Variants in BMP1 observed in about 807,000 individuals in gnomAD.
BMP1 encodes bone morphogenetic protein 1.
A neutral mutation model predicts 116.8 loss-of-function variants in BMP1; 63 were observed. That is an observed-to-expected ratio of 0.54 (90% CI 0.44 to 0.67). BMP1 has a LOEUF of 0.67. BMP1 is among the 30% of genes least tolerant of loss of function. The pLI is 0.00. For synonymous variants in BMP1, 536 were observed against 533.4 expected, an observed-to-expected ratio of 1.00 and a Z score of -0.07; for missense variants, 1,183 against 1,358.9, an observed-to-expected ratio of 0.87 and a Z score of 2.04.
intron 2 of BMP1, 106 bp downstream of exon 2, chr8:22,173,821 A>C: frequency 1.2e-6 from 1 of 833,422 alleles, no homozygotes; most frequent in East Asian, 2.8e-5. Flanking sequence ...GACAGAGGCC[A>C]TGAGTTTGAC....
At chr8:22,200,199 A>C (rs1829218683) in intron 15 of BMP1, among the ~76,000 whole-genome samples, 2 of 152,180 alleles carry the variant, frequency 1.3e-5, no homozygotes, top group South Asian at 2.1e-4. Flanking sequence ...CCCTGTGACC[A>C]AGTGCACTTC....
At position 22,173,720 on chromosome 8, in the gene BMP1, G is replaced by A. The variant is rs1321414701; in HGVS notation, c.262+5G>A. 6.2e-7 allele frequency: 1 copy of A among 1,606,334 alleles called. No homozygotes were observed. Among genetic ancestry groups the A allele is most frequent in the South Asian group, 1.1e-5 (1 of 90,208 alleles). ...AGTCCTCCATCAAAGCTGCAGGTAA[G>A]CCGGGTGCCAATGGGCCCTCTGTGT... On this transcript the variant is annotated splice_donor_5th_base_variant and intron_variant, in intron 2 of 19. Coordinates refer to ENST00000306385, the MANE Select transcript of BMP1 (RefSeq NM_006129.5).
chr8:22,197,103 G>A (rs1001810085), intron 14 of BMP1, 137 bp from the exon 15 acceptor site: 64 of 1,185,508 alleles, frequency 5.4e-5, no homozygotes, highest in African/African-American at 6.1e-5. Flanking sequence ...CTGGCTTGGC[G>A]AGTACAGGAG....
intron 13 of BMP1, chr8:22,196,453 A>G: frequency 1.6e-6 from 1 of 620,492 alleles, no homozygotes; most frequent in Non-Finnish European, 2.9e-6. Flanking sequence ...AAATGGCCAC[A>G]CTTATGACCC....
At chr8:22,165,954 G>T (rs1483202064) in intron 1 of BMP1, among the ~76,000 whole-genome samples, 2 of 141,506 alleles carry the variant, frequency 1.4e-5, no homozygotes, top group Admixed American at 1.4e-4. Flanking sequence ...CATCTCTCCT[G>T]CTCCAGGAGC....
intron 15 of BMP1, chr8:22,200,992 C>CCCCCCCCCCCCCCCCCCCCCA: frequency 6.8e-6 from 2 of 293,644 alleles, no homozygotes; most frequent in Non-Finnish European, 6.8e-6. Flanking sequence ...CCTGCCCTCC[C>CCCCCCCCCCCCCCCCCCCCCA]GCCCCACCCT....
chr8:22,165,957 C>T (rs866793244), intron 1 of BMP1, among the ~76,000 whole-genome samples: 1 of 149,810 alleles, frequency 6.7e-6, no homozygotes, highest in Non-Finnish European at 1.5e-5. Flanking sequence ...CTCTCCTGCT[C>T]CAGGAGCTGG....
chr8:22,206,992 C>A lies in BMP1; in HGVS notation c.2361+11C>A. ...CACCGGGTCAAGCTGGTAAGGGGTC[C>A]CCTCCCCACTCCTTATGCGGTGTGG... On this transcript the variant is annotated intron_variant, in intron 17 of 19. Coordinates refer to ENST00000306385, the MANE Select transcript of BMP1 (RefSeq NM_006129.5). 2 of 1,613,880 alleles carry A rather than the reference C, an allele frequency of 1.2e-6. No individual in the cohort carries two copies. The highest frequency in any genetic ancestry group is 1.7e-6 in the Non-Finnish European group (2 of 1,179,918).
chr8:22,173,615 G>A lies in BMP1; in HGVS notation c.162G>A (p.Gly54=), dbSNP rs764271517. The change falls in exon 2 of 20, where the codon GGG becomes GGA. Residue 54 remains glycine (G), a synonymous_variant. Coordinates refer to ENST00000306385, the MANE Select transcript of BMP1 (RefSeq NM_006129.5). ...TTTTCTCTTTAGCTGCCTTTCTTGG[G>A]GACATTGCCCTGGACGAAGAGGACC... ...KDPCKAAAFL[G]DIALDEEDLR... The A allele has an allele frequency of 1.2e-6, 2 of 1,611,278 alleles. No individual in the cohort carries two copies. Among genetic ancestry groups the A allele is most frequent in the African/African-American group, 1.3e-5 (1 of 74,744 alleles).
chr8:22,191,980 C>T, intron 8 of BMP1, 69 bp from the exon 9 acceptor site: 1 of 1,422,428 alleles, frequency 7.0e-7, no homozygotes, highest in Non-Finnish European at 9.8e-7. Context: ...CGGTGGTCAT[C>T]ATGGGGCTGG....
At chr8:22,189,325 C>T (rs975961331) in intron 8 of BMP1, among the ~76,000 whole-genome samples, 3 of 151,828 alleles carry the variant, frequency 2.0e-5, no homozygotes, top group African/African-American at 2.4e-5. Flanking sequence ...TTGTGGTCGC[C>T]GTTCCATGCC....
At position 22,179,967 on chromosome 8, in the gene BMP1, AG is replaced by A; in HGVS notation, c.961+142del. ...GTGGCGGGGGAGGGGACCCCATAGG[AG>A]GGGCAGTGTCCAAGTGAAGGAGGCC... is the stretch of plus-strand genomic sequence containing the variant. On this transcript the variant is annotated intron_variant, in intron 7 of 19. Transcript: ENST00000306385. The surrounding 1 kb of genome is among the most constrained non-coding windows in gnomAD (Gnocchi z 4.6). 1 of 1,016,744 alleles carries A rather than the reference AG, an allele frequency of 9.8e-7. No homozygotes were observed. The allele number at this position is 1,016,744 out of a possible 1,614,324, so 63.0% of individuals were successfully genotyped here. A position where few individuals can be genotyped will look rare whatever the true frequency, so the allele number is the denominator to read the frequency against.
At chr8:22,195,630 C>T (rs1172567717) in intron 13 of BMP1, 43 bp downstream of exon 13, 1 of 1,573,358 alleles carries the variant, frequency 6.4e-7, no homozygotes, top group Admixed American at 2.1e-5. Context: ...CTTTCCCTGG[C>T]ACCAGCCCAC....
chr8:22,192,422 C>A, intron 9 of BMP1: 1 of 356,576 alleles, frequency 2.8e-6, no homozygotes. Context: ...CCTACGGGTG[C>A]AAGGAGTCAT....
intron 8 of BMP1, among the ~76,000 whole-genome samples, chr8:22,189,716 C>G (rs925561368): frequency 6.6e-6 from 1 of 152,000 alleles, no homozygotes; most frequent in Admixed American, 6.6e-5. Flanking sequence ...ATCCTCTTGC[C>G]TCAGCCTCTC....
At chr8:22,199,202 C>T (rs1384493858) in intron 15 of BMP1, 2 of 1,367,500 alleles carry the variant, frequency 1.5e-6, no homozygotes, top group East Asian at 9.1e-5. Flanking sequence ...TGCAGAGGAC[C>T]CCCACTGGGG....
chr8:22,198,280 T>A (rs1586465296), intron 15 of BMP1: 1 of 152,242 alleles, frequency 6.6e-6, no homozygotes, highest in Admixed American at 6.5e-5. Flanking sequence ...ACATGCTGAT[T>A]GACAGCTGCC....
Position 22,176,980 on chromosome 8 carries a change from C to A in BMP1, c.571C>A (p.Arg191Ser), listed in dbSNP as rs776653587. 1.2e-6 allele frequency: 2 copies of A among 1,611,468 alleles called. No individual in the cohort carries two copies. Among genetic ancestry groups the A allele is most frequent in the South Asian group, 2.2e-5 (2 of 90,854 alleles). ...RPCGCCSYVG[R>S]RGGGPQAISI... ...CTCCAGGTGCTGCTCCTACGTGGGT[C>A]GCCGCGGCGGGGGCCCCCAGGCCAT... is the stretch of plus-strand genomic sequence containing the variant. The change falls in exon 5 of 20, where the codon CGC becomes AGC. Residue 191 changes from arginine (R) to serine (S), a missense_variant. Physicochemically the swap from Arg to Ser is moderately radical, Grantham distance 110. Around this residue, in one of 4 missense-constraint regions of BMP1, gnomAD observed 956 missense variants for 1,135.2 expected, o/e 0.84. Coordinates refer to ENST00000306385, the MANE Select transcript of BMP1 (RefSeq NM_006129.5).
chr8:22,192,939 T>C (rs1268659869), intron 9 of BMP1, among the ~76,000 whole-genome samples: 1 of 152,220 alleles, frequency 6.6e-6, no homozygotes, highest in Non-Finnish European at 1.5e-5. Flanking sequence ...TGCTAACCTC[T>C]ATTTTCCCCC....
Sources: gnomAD v4.1 joint callset for allele counts (sites outside exome capture counted in the v4.1 genomes callset) on GRCh38, gnomAD v4.1.1 for gene constraint, gnomAD v4.1.1 regional missense constraint, Gnocchi (gnomAD v3.1) non-coding constraint, MANE v1.5 for transcripts, NCBI Gene and HGNC (gene_info 2026-07-23, HGNC 2026-07-21) for gene names.